Variants in ARID4A observed in about 807,000 individuals in gnomAD.
ARID4A encodes AT-rich interactive domain-containing protein 4A.
In ARID4A, 39 loss-of-function variants were observed where a neutral mutation model predicts 148.6. The ratio of observed to expected loss-of-function variants is 0.26; its 90% CI spans 0.20 to 0.34. The LOEUF is 0.34. Among genes scored for constraint, ARID4A ranks in the 10% least tolerant of loss-of-function variants. The pLI is 1.00. For missense variants in ARID4A, 1,265 were observed against 1,449.1 expected (o/e 0.87, Z 2.06); for synonymous variants, 475 against 481.2 (o/e 0.99, Z 0.17).
At chr14:58,354,641 C>T (rs927757322) in intron 17 of ARID4A, among the ~76,000 whole-genome samples, 2 of 150,998 alleles carry the variant, frequency 1.3e-5, no homozygotes, top group African/African-American at 4.9e-5. Flanking sequence ...TATGATCATA[C>T]CACTGTACTC....
chr14:58,320,601 T>A (rs2032813295), intron 7 of ARID4A, among the ~76,000 whole-genome samples: 2 of 135,224 alleles, frequency 1.5e-5, no homozygotes, highest in African/African-American at 5.3e-5. Flanking sequence ...GACATTGACT[T>A]TTTTTTTTTT....
intron 7 of ARID4A, among the ~76,000 whole-genome samples, chr14:58,322,982 T>A (rs200839598): frequency 0.35 from 27,750 of 79,348 alleles, 3,442 homozygotes; most frequent in Middle Eastern, 0.45. Context: ...AAAAAAAAAA[T>A]ATATATATAT....
intron 8 of ARID4A, 65 bp downstream of exon 8, chr14:58,323,682 A>T (rs1338332829): frequency 9.2e-6 from 13 of 1,409,158 alleles, no homozygotes; most frequent in East Asian, 4.6e-5. Flanking sequence ...GGATTTTTTT[A>T]AAAGCATTTA....
chr14:58,318,845 A>G (rs776435062), intron 7 of ARID4A, 40 bp downstream of exon 7: 2 of 1,509,406 alleles, frequency 1.3e-6, no homozygotes, highest in Non-Finnish European at 1.8e-6. Flanking sequence ...AATTACAATT[A>G]TTATAACCTT....
chr14:58,349,168 G>A (rs138198774), intron 15 of ARID4A, among the ~76,000 whole-genome samples: 1 of 152,084 alleles, frequency 6.6e-6, no homozygotes, highest in African/African-American at 2.4e-5. Flanking sequence ...TTATGTTGTA[G>A]CACATATCAG....
intron 17 of ARID4A, 60 bp downstream of exon 17, chr14:58,353,915 A>G (rs1046104421): frequency 5.0e-6 from 7 of 1,412,666 alleles, no homozygotes; most frequent in Middle Eastern, 1.8e-4. Flanking sequence ...TAGAACATCA[A>G]CTTAATGTTA....
intron 8 of ARID4A, among the ~76,000 whole-genome samples, chr14:58,324,356 G>A (rs1166181447): frequency 1.3e-5 from 2 of 152,184 alleles, no homozygotes; most frequent in Admixed American, 1.3e-4. Context: ...GCTCACTGCA[G>A]CTTCAGCCTT....
chr14:58,310,676 C>G (rs1448638579), intron 5 of ARID4A, among the ~76,000 whole-genome samples: 1 of 146,686 alleles, frequency 6.8e-6, no homozygotes, highest in Non-Finnish European at 1.5e-5. Context: ...TAGAAGAAAA[C>G]ATAGGGGAAG....
At chr14:58,359,269 G>A (rs951176740) in intron 18 of ARID4A, 53 bp downstream of exon 18, 2 of 1,505,790 alleles carry the variant, frequency 1.3e-6, no homozygotes, top group South Asian at 2.5e-5. Flanking sequence ...TATCCAAATT[G>A]TATTGTGTGT....
intron 15 of ARID4A, 55 bp downstream of exon 15, chr14:58,347,933 T>G (rs1010594033): frequency 9.5e-6 from 12 of 1,260,498 alleles, no homozygotes; most frequent in Non-Finnish European, 1.3e-5. Flanking sequence ...AATTTTTTAT[T>G]ATAGCCATTT....
rs193268989 is a variant in ARID4A, at chr14:58,326,189, G to A, written c.583-2048G>A. ...AAAAAATAGCATGCCTGTAATCCCAGCACTTTGGGAGGCTGAGGTGGGCAG... is the reference window on the plus strand; with the variant it reads ...AAAAAATAGCATGCCTGTAATCCCAACACTTTGGGAGGCTGAGGTGGGCAG... On this transcript the variant is annotated intron_variant, in intron 8 of 23. Coordinates refer to ENST00000355431, the MANE Select transcript of ARID4A (RefSeq NM_002892.4). Among the ~76,000 whole-genome samples, 252 of 152,318 alleles carry A rather than the reference G, an allele frequency of 1.7e-3. 3 individuals are homozygous for A. In the Middle Eastern group the frequency reaches 0.017, roughly 10 times the overall value.
chr14:58,361,593 G>T (rs1337198380), intron 19 of ARID4A, among the ~76,000 whole-genome samples: 2 of 152,178 alleles, frequency 1.3e-5, no homozygotes, highest in Non-Finnish European at 2.9e-5. Flanking sequence ...GAAAAATTGT[G>T]TGGGGAAACT....
chr14:58,357,503 T>G (rs1338569967), intron 17 of ARID4A, among the ~76,000 whole-genome samples: 1 of 152,188 alleles, frequency 6.6e-6, no homozygotes, highest in Non-Finnish European at 1.5e-5. Context: ...AAAACAAGTT[T>G]GTCCAACCTG....
intron 13 of ARID4A, among the ~76,000 whole-genome samples, chr14:58,346,739 G>A (rs2140232264): frequency 6.6e-6 from 1 of 151,018 alleles, no homozygotes; most frequent in South Asian, 2.1e-4. Flanking sequence ...ACTAGCCTGG[G>A]CAACATGGCG....
rs368319685 is a variant in ARID4A, at chr14:58,345,446, C to T, written c.979+679C>T. On this transcript the variant is annotated intron_variant, in intron 12 of 23. Coordinates refer to ENST00000355431, the MANE Select transcript of ARID4A (RefSeq NM_002892.4). ...GATAAACTAGCCTGATCCTTGTTCT[C>T]AGCAAATTAAACATAATAGGAGACC... 3.3e-5 allele frequency among the ~76,000 whole-genome samples: 5 copies of T among 152,190 alleles called. 1 individual carries two copies. The highest frequency in any genetic ancestry group is 1.5e-5 in the Non-Finnish European group (1 of 67,990).
intron 1 of ARID4A, 133 bp from the exon 2 acceptor site, chr14:58,299,665 C>G: frequency 1.4e-6 from 1 of 717,102 alleles, no homozygotes; most frequent in Non-Finnish European, 2.3e-6. Context: ...CCTGGCTGCC[C>G]TCGTAAGGGG....
At chr14:58,371,404 T>G (rs950613820) in intron 23 of ARID4A, among the ~76,000 whole-genome samples, 1 of 152,186 alleles carries the variant, frequency 6.6e-6, no homozygotes. Context: ...GAAAATTATG[T>G]TAAAACCATT....
intron 11 of ARID4A, among the ~76,000 whole-genome samples, chr14:58,332,255 A>C (rs985257945): frequency 6.6e-6 from 1 of 152,130 alleles, no homozygotes; most frequent in Non-Finnish European, 1.5e-5. Flanking sequence ...GAAGCTTACA[A>C]GGATAGTATC....
At chr14:58,361,924 T>G (rs1055978975) in intron 19 of ARID4A, among the ~76,000 whole-genome samples, 3 of 152,232 alleles carry the variant, frequency 2.0e-5, no homozygotes, top group African/African-American at 7.2e-5. Context: ...CTCATATGAT[T>G]TAAACTATAA....
Sources: gnomAD v4.1 joint callset for allele counts (sites outside exome capture counted in the v4.1 genomes callset) on GRCh38, gnomAD v4.1.1 for gene constraint, MANE v1.5 for transcripts, NCBI Gene and HGNC (gene_info 2026-07-23, HGNC 2026-07-21) for gene names.